The following TTPA variants were observed in gnomAD, a reference collection of about 807,000 sequenced individuals.
The protein encoded by TTPA is alpha tocopherol transfer protein.
Under a neutral mutation model 25.9 loss-of-function variants are expected in TTPA, and 23 were observed. That is an observed-to-expected ratio of 0.89 (90% confidence interval 0.64 to 1.26). TTPA has a LOEUF of 1.26. Among genes scored for constraint, TTPA ranks in the 50% most tolerant of loss-of-function variants. The probability of loss-of-function intolerance (pLI) is 0.00; values close to 1 mark genes in which losing one functional copy is unlikely to be tolerated. For synonymous variants in TTPA, 148 were observed against 137.3 expected (o/e 1.08, Z -0.54); for missense variants, 337 against 353.1 (o/e 0.95, Z 0.37).
Position 63,061,222 on chromosome 8 carries a change from G to A in TTPA, c.*30C>T, listed in dbSNP as rs1805300067. The stretch of plus-strand genomic sequence containing the variant: ...GTTGGATATCACTCATGTATTTTTA[G>A]TTAGGAAGCCATTCACATGACATAA... On this transcript the variant is annotated 3_prime_UTR_variant, in exon 5 of 5. Coordinates refer to ENST00000260116, the MANE Select transcript of TTPA (RefSeq NM_000370.3). The A allele has an allele frequency of 6.2e-7, 1 of 1,607,206 alleles. No homozygotes were observed. Among genetic ancestry groups the A allele is most frequent in the Admixed American group, 1.7e-5 (1 of 59,988 alleles).
chr8:63,085,288 T>C (rs564340175), intron 1 of TTPA, among the ~76,000 whole-genome samples: 7 of 152,272 alleles, frequency 4.6e-5, no homozygotes, highest in Admixed American at 3.9e-4. Flanking sequence ...ACTCGAACTA[T>C]ACTGGGTTGC....
At chr8:63,067,549 A>AAG (rs1805413082) in intron 2 of TTPA, among the ~76,000 whole-genome samples, 1 of 152,104 alleles carries the variant, frequency 6.6e-6, no homozygotes, top group African/African-American at 2.4e-5. Context: ...TCAAAAAAAA[A>AAG]AAAAAACAAC....
At chr8:63,059,020 GTTTTTTTTTT>G (rs35335226), downstream of TTPA, among the ~76,000 whole-genome samples, 30 of 67,190 alleles carry the variant, frequency 4.5e-4, 1 homozygote, top group Middle Eastern at 0.019. Flanking sequence ...GCAGGGTCCA[GTTTTTTTTTT>G]TTTTTTTTTT....
intron 1 of TTPA, among the ~76,000 whole-genome samples, chr8:63,074,070 T>C (rs993014793): frequency 6.6e-6 from 1 of 152,182 alleles, no homozygotes; most frequent in Non-Finnish European, 1.5e-5. Flanking sequence ...ACAATACATT[T>C]GTTTTGAGTT....
intron 2 of TTPA, among the ~76,000 whole-genome samples, chr8:63,070,626 C>T (rs1241666121): frequency 6.6e-6 from 1 of 152,178 alleles, no homozygotes; most frequent in African/African-American, 2.4e-5. Flanking sequence ...CAATATACTT[C>T]TAAATTAATG....
intron 1 of TTPA, among the ~76,000 whole-genome samples, chr8:63,075,297 A>C (rs1294502228): frequency 6.6e-6 from 1 of 152,224 alleles, no homozygotes; most frequent in Non-Finnish European, 1.5e-5. Flanking sequence ...TACATGTTTC[A>C]TGTACTTTGA....
intron 1 of TTPA, among the ~76,000 whole-genome samples, chr8:63,077,602 G>A (rs1410101337): frequency 6.6e-6 from 1 of 152,224 alleles, no homozygotes; most frequent in African/African-American, 2.4e-5. Context: ...CAGCCTGGCT[G>A]GGGGAGGGGC....
intron 2 of TTPA, among the ~76,000 whole-genome samples, chr8:63,071,565 T>C (rs546132826): frequency 2.0e-5 from 3 of 152,270 alleles, no homozygotes; most frequent in East Asian, 3.9e-4. Flanking sequence ...ACAGAAGTTA[T>C]AGGTCACCAA....
chr8:63,064,226 T>C lies in TTPA; in HGVS notation c.643A>G (p.Thr215Ala). ...CTCACCCGTTCCTTAATTTTTTCAG[T>C]CAGGAATGGTTTGATCATGGAAAAG... ...AVFSMIKPFL[T>A]EKIKERIHMH... Residue 215 changes from threonine (T) to alanine (A), a missense_variant, in exon 4 of 5, where the codon ACT becomes GCT. Transcript: ENST00000260116. The C allele has an allele frequency of 6.2e-7, 1 of 1,612,690 alleles. No individual in the cohort carries two copies. The highest frequency in any genetic ancestry group is 1.1e-5 in the South Asian group (1 of 90,964).
intron 1 of TTPA, among the ~76,000 whole-genome samples, chr8:63,080,945 G>A (rs560862796): frequency 6.6e-6 from 1 of 150,554 alleles, no homozygotes; most frequent in South Asian, 2.1e-4. Flanking sequence ...ACTAAACCAG[G>A]AAGAAGTTGA....
rs751638180 is a variant in TTPA, at chr8:63,085,947, C to G, written c.75G>C (p.Gln25His). The change falls in exon 1 of 5, where the codon CAG (glutamine) becomes CAC (histidine). Residue 25 changes from glutamine to histidine, a missense_variant. Coordinates refer to ENST00000260116, the MANE Select transcript of TTPA (RefSeq NM_000370.3). ...GGCGCCGCAGCGCCGCCAGGCCCGG[C>G]TGCAGCAACGGAGAGTGGTCCGGTA... The part of the protein sequence containing the change: ...NALPDHSPLL[Q>H]PGLAALRRRA... The G allele has an allele frequency of 3.0e-4, 458 of 1,523,524 alleles. No individual in the cohort carries two copies. The highest frequency in any genetic ancestry group is 3.9e-4 in the Non-Finnish European group (448 of 1,143,342). 94.4% of individuals were successfully genotyped at this position (1,523,524 alleles called of 1,614,324 possible).
intron 1 of TTPA, among the ~76,000 whole-genome samples, chr8:63,082,915 T>C (rs1159418252): frequency 1.3e-5 from 2 of 152,162 alleles, no homozygotes; most frequent in African/African-American, 4.8e-5. Flanking sequence ...ATCAGAGAAA[T>C]GCAAATCAAA....
At chr8:63,062,508 C>T (rs528293872) in intron 4 of TTPA, among the ~76,000 whole-genome samples, 1 of 152,150 alleles carries the variant, frequency 6.6e-6, no homozygotes, top group Non-Finnish European at 1.5e-5. Flanking sequence ...CAAAGCCAAT[C>T]TTTAATTTTT....
chr8:63,067,590 T>C (rs920139299), intron 2 of TTPA, among the ~76,000 whole-genome samples: 6 of 151,424 alleles, frequency 4.0e-5, no homozygotes, highest in African/African-American at 1.5e-4. Flanking sequence ...CTGGATAGAA[T>C]TGTGGCACCA....
chr8:63,081,253 G>C (rs1233178119), intron 1 of TTPA, among the ~76,000 whole-genome samples: 1 of 152,036 alleles, frequency 6.6e-6, no homozygotes, highest in Non-Finnish European at 1.5e-5. Context: ...TAAAATACTG[G>C]CAAACCGAAT....
chr8:63,077,912 G>A (rs1320753077), intron 1 of TTPA, among the ~76,000 whole-genome samples: 2 of 152,186 alleles, frequency 1.3e-5, no homozygotes, highest in African/African-American at 4.8e-5. Flanking sequence ...CCCAGTAGGG[G>A]CCGACAGACA....
intron 3 of TTPA, 81 bp from the exon 4 acceptor site, chr8:63,064,397 C>A: frequency 1.6e-5 from 15 of 924,484 alleles, no homozygotes; most frequent in Non-Finnish European, 1.5e-5. Context: ...TCTTTGAACA[C>A]TTGCTAAGCT....
intron 2 of TTPA, among the ~76,000 whole-genome samples, chr8:63,068,131 T>G (rs555246951): frequency 2.0e-5 from 3 of 152,126 alleles, no homozygotes; most frequent in African/African-American, 7.2e-5. Flanking sequence ...AAGGAAAAGA[T>G]GGGAGTGAAG....
At chr8:63,063,406 C>T (rs72659813) in intron 4 of TTPA, among the ~76,000 whole-genome samples, 6,700 of 152,232 alleles carry the variant, frequency 0.044, 245 homozygotes, top group South Asian at 0.21. Context: ...CTCTAACTAG[C>T]ATGACATTAA....
Sources: gnomAD v4.1 joint callset for allele counts (sites outside exome capture counted in the v4.1 genomes callset) on GRCh38, gnomAD v4.1.1 for gene constraint, MANE v1.5 for transcripts, NCBI Gene and HGNC (gene_info 2026-07-23, HGNC 2026-07-21) for gene names.